The following NEK1 variants were observed in gnomAD, a reference collection of about 807,000 sequenced individuals.
NEK1 encodes the protein serine/threonine-protein kinase Nek1.
A neutral mutation model predicts 182.1 loss-of-function variants in NEK1; 137 were observed. The observed-to-expected ratio is 0.75, with a 90% CI of 0.65 to 0.87. NEK1 has a LOEUF of 0.87. NEK1 is among the 40% of genes least tolerant of loss of function. NEK1 has a pLI of 0.00. For missense variants in NEK1, 1,391 were observed against 1,494.4 expected (o/e 0.93, Z 1.14); for synonymous variants, 513 against 492.2 (o/e 1.04, Z -0.56).
intron 27 of NEK1, among the ~76,000 whole-genome samples, chr4:169,453,738 T>C (rs1231492056): frequency 6.6e-6 from 1 of 152,242 alleles, no homozygotes; most frequent in Non-Finnish European, 1.5e-5. Flanking sequence ...TTAGTTAATT[T>C]AATATCTATA....
rs1010725526 is a variant in NEK1, at chr4:169,610,221, C to T, written c.-49+1799G>A. Among the ~76,000 whole-genome samples, 7 of 152,028 alleles carry T rather than the reference C, an allele frequency of 4.6e-5. No homozygotes were observed. In the East Asian group the frequency reaches 9.6e-4, roughly 21 times the overall value. On this transcript the variant is annotated intron_variant, in intron 2 of 35. Transcript: ENST00000507142. ...TTCGCCATACTGGCCAGGCTGGTCTCGAACTCCTGACCTCAAATGATCCAC... is the reference window on the plus strand; with the variant it reads ...TTCGCCATACTGGCCAGGCTGGTCTTGAACTCCTGACCTCAAATGATCCAC...
At chr4:169,400,730 CAAAT>C (rs1731523428) in intron 33 of NEK1, 79 bp from the exon 34 acceptor site, 2 of 995,272 alleles carry the variant, frequency 2.0e-6, no homozygotes, top group East Asian at 2.8e-5. Flanking sequence ...AATTCTATGA[CAAAT>C]GAATAATGCC....
intron 23 of NEK1, among the ~76,000 whole-genome samples, chr4:169,497,641 T>C (rs925648059): frequency 1.3e-5 from 2 of 152,246 alleles, no homozygotes; most frequent in African/African-American, 4.8e-5. Context: ...TATCTTTATT[T>C]CTGCCTTCAT....
intron 28 of NEK1, among the ~76,000 whole-genome samples, chr4:169,436,256 A>G (rs1738390415): frequency 1.3e-5 from 2 of 152,240 alleles, no homozygotes; most frequent in South Asian, 4.1e-4. Context: ...TTTTGCAGCA[A>G]TAGATAATTG....
intron 18 of NEK1, among the ~76,000 whole-genome samples, chr4:169,551,698 G>A (rs1359595788): frequency 1.3e-5 from 2 of 151,954 alleles, no homozygotes; most frequent in Admixed American, 6.5e-5. Context: ...CCACTATAGG[G>A]ATTTGGAATT....
At chr4:169,528,621 C>T (rs1473958596) in intron 19 of NEK1, among the ~76,000 whole-genome samples, 1 of 152,104 alleles carries the variant, frequency 6.6e-6, no homozygotes, top group Admixed American at 6.6e-5. Flanking sequence ...TAACTTGCTA[C>T]ACTGCAAAAG....
chr4:169,457,769 G>C (rs957077828), intron 27 of NEK1, among the ~76,000 whole-genome samples: 1 of 149,178 alleles, frequency 6.7e-6, no homozygotes, highest in African/African-American at 2.5e-5. Context: ...GGGGAGGGAA[G>C]AAGACAGGCA....
intron 26 of NEK1, among the ~76,000 whole-genome samples, chr4:169,472,578 T>C (rs920457052): frequency 1.3e-5 from 2 of 152,208 alleles, no homozygotes; most frequent in South Asian, 2.1e-4. Context: ...CTGTTCTTAT[T>C]TGGCCATCCT....
chr4:169,431,205 A>G (rs1737367523), intron 29 of NEK1, among the ~76,000 whole-genome samples: 1 of 152,196 alleles, frequency 6.6e-6, no homozygotes, highest in South Asian at 2.1e-4. Context: ...AACTTAGTCA[A>G]AAATATTAAG....
At chr4:169,539,189 A>G (rs2149819150) in intron 18 of NEK1, among the ~76,000 whole-genome samples, 1 of 152,268 alleles carries the variant, frequency 6.6e-6, no homozygotes, top group East Asian at 1.9e-4. Context: ...CACCAATGCC[A>G]TGTTAGCTTG....
chr4:169,506,952 G>T, intron 23 of NEK1, 85 bp downstream of exon 23: 2 of 800,070 alleles, frequency 2.5e-6, no homozygotes, highest in Non-Finnish European at 3.7e-6. Context: ...AAAAGCACAA[G>T]AAAATTATAA....
At chr4:169,536,097 C>G (rs183021475) in intron 19 of NEK1, among the ~76,000 whole-genome samples, 1 of 151,598 alleles carries the variant, frequency 6.6e-6, no homozygotes, top group South Asian at 2.1e-4. Flanking sequence ...GAGTTCAAGA[C>G]CAGCCTGGCC....
At chr4:169,522,147 T>G (rs1334361617) in intron 19 of NEK1, among the ~76,000 whole-genome samples, 5 of 152,244 alleles carry the variant, frequency 3.3e-5, no homozygotes, top group African/African-American at 1.2e-4. Flanking sequence ...TCATCTCCAC[T>G]GTACTACTGA....
chr4:169,483,479 T>C (rs1338132943), intron 23 of NEK1, among the ~76,000 whole-genome samples: 2 of 152,152 alleles, frequency 1.3e-5, no homozygotes, highest in Non-Finnish European at 2.9e-5. Flanking sequence ...TAAAACAAAG[T>C]ATGCCTGTAT....
At chr4:169,576,360 G>A (rs889637760) in intron 12 of NEK1, among the ~76,000 whole-genome samples, 1 of 152,168 alleles carries the variant, frequency 6.6e-6, no homozygotes, top group Non-Finnish European at 1.5e-5. Context: ...CTGTGTATAT[G>A]TATATGTATG....
intron 23 of NEK1, among the ~76,000 whole-genome samples, chr4:169,492,769 C>T (rs1292151582): frequency 6.6e-6 from 1 of 152,154 alleles, no homozygotes; most frequent in African/African-American, 2.4e-5. Context: ...CCAGCAGATT[C>T]TCAGGGAGTT....
At chr4:169,599,962 G>C (rs1770207314) in intron 4 of NEK1, among the ~76,000 whole-genome samples, 1 of 151,876 alleles carries the variant, frequency 6.6e-6, no homozygotes, top group Non-Finnish European at 1.5e-5. Context: ...CTGGGCTCAA[G>C]GGAACCTCTC....
At chr4:169,502,829 G>GGAT (rs1285757681) in intron 23 of NEK1, among the ~76,000 whole-genome samples, 1 of 152,056 alleles carries the variant, frequency 6.6e-6, no homozygotes, top group Admixed American at 6.6e-5. Flanking sequence ...AACAAGACAA[G>GGAT]GATTCCATTC....
Position 169,508,339 on chromosome 4 carries a change from G to A in NEK1, c.1750-8C>T. 1 of 1,555,576 alleles carries A rather than the reference G, an allele frequency of 6.4e-7. No individual in the cohort carries two copies. Among genetic ancestry groups the A allele is most frequent in the Non-Finnish European group, 8.7e-7 (1 of 1,150,892 alleles). ...CAGTCTTGCCAGATAAACCTACAAG[G>A]AGGCAAAAACCCCAACATAATAATG... On this transcript the variant is annotated splice_region_variant and splice_polypyrimidine_tract_variant and intron_variant, in intron 20 of 35. Transcript: ENST00000507142.
Sources: allele counts gnomAD v4.1 joint callset (sites outside exome capture counted in the v4.1 genomes callset), GRCh38; gene constraint gnomAD v4.1.1; transcripts MANE v1.5; gene names NCBI Gene and HGNC (gene_info 2026-07-23, HGNC 2026-07-21).